The following CAPRIN2 variants were observed in gnomAD, a reference collection of about 807,000 sequenced individuals.
The protein encoded by CAPRIN2 is caprin-2.
A neutral mutation model predicts 130.4 loss-of-function variants in CAPRIN2; 66 were observed. The ratio of observed to expected loss-of-function variants is 0.51; its 90% CI spans 0.42 to 0.62. The LOEUF (loss-of-function observed/expected upper bound fraction) is 0.62, where lower values mean the gene tolerates loss of function less well. CAPRIN2 is among the 20% of genes least tolerant of loss of function. The pLI is 0.00. For missense variants in CAPRIN2, 1,185 were observed against 1,246.6 expected, an observed-to-expected ratio of 0.95 and a Z score of 0.74; for synonymous variants, 471 against 444.1, an observed-to-expected ratio of 1.06 and a Z score of -0.76.
At chr12:30,729,110 T>C (rs1722036553) in exon 8 of CAPRIN2, 1 of 1,614,100 alleles carries the variant, frequency 6.2e-7, no homozygotes, top group African/African-American at 1.3e-5. Flanking sequence ...GTTTCCTCTG[T>C]TCTAAGGAAA....
At chr12:30,740,229 A>G (rs993881264) in intron 3 of CAPRIN2, among the ~76,000 whole-genome samples, 1 of 152,146 alleles carries the variant, frequency 6.6e-6, no homozygotes, top group Non-Finnish European at 1.5e-5. Flanking sequence ...TGATCACACC[A>G]CTGCACTCTA....
In CAPRIN2 at chr12:30,710,070, T is replaced by C. The variant is rs1171614009; in HGVS notation, c.3066A>G (p.Val1022=). 1.2e-6 allele frequency: 2 copies of C among 1,614,072 alleles called. No individual in the cohort carries two copies. Among genetic ancestry groups the C allele is most frequent in the Admixed American group, 1.7e-5 (1 of 60,008 alleles). ...GAGCACCATCATTGGCATAGGCTGATACCAAGACCTCTTCATTCTTCATGA... is the reference window on the plus strand; with the variant it reads ...GAGCACCATCATTGGCATAGGCTGACACCAAGACCTCTTCATTCTTCATGA... The change falls in exon 17 of 17, where the codon GTA becomes GTG. Residue 1022 remains valine, a synonymous_variant. Coordinates refer to ENST00000298892, the Ensembl canonical transcript of CAPRIN2. This position sits in a 1 kb window ranked among gnomAD's most constrained non-coding sequence, Gnocchi z 4.8.
chr12:30,728,666 C>A, exon 8 of CAPRIN2: 1 of 1,607,942 alleles, frequency 6.2e-7, no homozygotes, highest in South Asian at 1.1e-5. Flanking sequence ...GTTCTGTGTT[C>A]AACTTCCTGG....
chr12:30,713,681 G>C, intron 15 of CAPRIN2, 104 bp downstream of exon 17: 2 of 649,700 alleles, frequency 3.1e-6, no homozygotes, highest in Non-Finnish European at 5.4e-6. Context: ...AAAACTAAGA[G>C]TGCACTTTCA....
intron 2 of CAPRIN2, 87 bp from the exon 4 acceptor site, chr12:30,741,193 G>T (rs1019785348): frequency 2.8e-6 from 2 of 717,782 alleles, no homozygotes; most frequent in African/African-American, 1.8e-5. Context: ...CAGTAGAAGA[G>T]ATTTAAGATC....
intron 4 of CAPRIN2, 65 bp downstream of exon 5, chr12:30,734,902 AC>A: frequency 3.0e-6 from 3 of 1,003,138 alleles, no homozygotes; most frequent in Non-Finnish European, 4.8e-6. Context: ...TCTCTCACAT[AC>A]ACACACCCCT....
intron 8 of CAPRIN2, among the ~76,000 whole-genome samples, chr12:30,726,926 A>C (rs902361571): frequency 1.3e-5 from 2 of 152,162 alleles, no homozygotes; most frequent in Non-Finnish European, 2.9e-5. Flanking sequence ...GATTCCAAGA[A>C]AGACAGAAAA....
chr12:30,736,180 G>A (rs2138541810), intron 3 of CAPRIN2, among the ~76,000 whole-genome samples: 1 of 151,166 alleles, frequency 6.6e-6, no homozygotes, highest in South Asian at 2.1e-4. Context: ...AACAATTTGT[G>A]TACATAGATT....
intron 7 of CAPRIN2, 108 bp from the exon 9 acceptor site, chr12:30,729,433 A>C (rs2061902150): frequency 1.4e-6 from 1 of 709,948 alleles, no homozygotes. Flanking sequence ...TTGTTGCACT[A>C]ATATTAAATT....
At chr12:30,727,321 G>C (rs1392646562) in intron 8 of CAPRIN2, among the ~76,000 whole-genome samples, 1 of 152,174 alleles carries the variant, frequency 6.6e-6, no homozygotes, top group Admixed American at 6.5e-5. Context: ...AGAGAAAGGA[G>C]AGCAAAATAG....
intron 3 of CAPRIN2, among the ~76,000 whole-genome samples, chr12:30,736,210 C>T (rs1192034091): frequency 6.6e-6 from 1 of 151,722 alleles, no homozygotes; most frequent in Non-Finnish European, 1.5e-5. Flanking sequence ...TAGATCTGCT[C>T]TAAAGCTTAG....
At chr12:30,725,313 T>C (rs552841373) in intron 9 of CAPRIN2, among the ~76,000 whole-genome samples, 37 of 152,350 alleles carry the variant, frequency 2.4e-4, no homozygotes, top group African/African-American at 8.2e-4. Flanking sequence ...ACTAATCTGA[T>C]GGTATAGGCA....
exon 6 of CAPRIN2, chr12:30,731,422 T>C: frequency 6.2e-7 from 1 of 1,613,098 alleles, no homozygotes; most frequent in Non-Finnish European, 8.5e-7. Flanking sequence ...CCAGTGGTAC[T>C]TCCTTTTCCT....
At chr12:30,743,517 A>C (rs768814718) in intron 2 of CAPRIN2, among the ~76,000 whole-genome samples, 9 of 152,154 alleles carry the variant, frequency 5.9e-5, no homozygotes, top group Non-Finnish European at 1.0e-4. Context: ...ACAAAAAGGC[A>C]CACTCCTGCT....
intron 12 of CAPRIN2, among the ~76,000 whole-genome samples, 187 bp from the exon 15 acceptor site, chr12:30,716,863 G>A (rs983377992): frequency 9.9e-5 from 15 of 152,154 alleles, no homozygotes; most frequent in African/African-American, 3.6e-4. Context: ...TTAGTCATTA[G>A]GGAAATGTAA....
rs1024187947 is a variant in CAPRIN2 at position 30,739,936 on chromosome 12, G to A, written c.570+1084C>T. On this transcript the variant is annotated intron_variant, in intron 3 of 16. Coordinates refer to ENST00000298892, the Ensembl canonical transcript of CAPRIN2. ...ATAGGCCTGAATGAAAAACTAAATTGTTACTGGGTAACTCTGAGTAAAGAC... is the reference window on the plus strand; with the variant it reads ...ATAGGCCTGAATGAAAAACTAAATTATTACTGGGTAACTCTGAGTAAAGAC... Among the ~76,000 whole-genome samples, 14 of 152,076 alleles carry A rather than the reference G, an allele frequency of 9.2e-5. 1 individual carries two copies. Among genetic ancestry groups the A allele is most frequent in the Admixed American group, 9.2e-4 (14 of 15,278 alleles).
intron 8 of CAPRIN2, among the ~76,000 whole-genome samples, chr12:30,727,406 C>T (rs2061270595): frequency 6.6e-6 from 1 of 152,086 alleles, no homozygotes; most frequent in South Asian, 2.1e-4. Context: ...CAATGCTTTG[C>T]TTTCCCCAAG....
intron 8 of CAPRIN2, chr12:30,728,309 C>A: frequency 5.1e-6 from 1 of 197,208 alleles, no homozygotes; most frequent in Non-Finnish European, 1.0e-5. Flanking sequence ...AATCTCAGCA[C>A]TTTGGGAGGC....
At chr12:30,717,065 T>C (rs2057832638) in intron 12 of CAPRIN2, among the ~76,000 whole-genome samples, 1 of 152,124 alleles carries the variant, frequency 6.6e-6, no homozygotes, top group African/African-American at 2.4e-5. Context: ...TAACATATGA[T>C]CCACTAATTC....
Sources: allele counts gnomAD v4.1 joint callset (sites outside exome capture counted in the v4.1 genomes callset), GRCh38; gene constraint gnomAD v4.1.1; non-coding constraint Gnocchi (gnomAD v3.1); transcripts MANE v1.5; gene names NCBI Gene and HGNC (gene_info 2026-07-23, HGNC 2026-07-21).